Variants in UTP25 observed in about 807,000 individuals in gnomAD.
UTP25 encodes the protein UTP25 small subunit processome component.
In UTP25, 50 loss-of-function variants were observed where a neutral mutation model predicts 78.9. The ratio of observed to expected loss-of-function variants is 0.63; its 90% CI spans 0.50 to 0.80. The LOEUF is 0.80. Ranked by LOEUF, UTP25 falls within the 30% of genes least tolerant of loss-of-function variation. UTP25 has a pLI of 0.00. For synonymous variants in UTP25, 329 were observed against 336.5 expected (o/e 0.98, Z 0.24); for missense variants, 846 against 911.3 (o/e 0.93, Z 0.92).
At chr1:209,834,278 T>C (rs1442594468) in intron 4 of UTP25, among the ~76,000 whole-genome samples, 1 of 152,242 alleles carries the variant, frequency 6.6e-6, no homozygotes, top group South Asian at 2.1e-4. Context: ...ACAAGATGCA[T>C]TTCATTTGAA....
In UTP25 at chr1:209,828,008, A is replaced by C; in HGVS notation, c.-56A>C. On this transcript the variant is annotated 5_prime_UTR_variant, in exon 1 of 12. Transcript: ENST00000491415. ...GCCCACGTGCTTGTGTTGACTGGACAACTTCCTGGTGGAAAACCGCGACTC... is the reference window on the plus strand; with the variant it reads ...GCCCACGTGCTTGTGTTGACTGGACCACTTCCTGGTGGAAAACCGCGACTC... 2 of 1,412,870 alleles carry C rather than the reference A, an allele frequency of 1.4e-6. No individual in the cohort carries two copies. The highest frequency in any genetic ancestry group is 2.0e-6 in the Non-Finnish European group (2 of 996,908). The allele number at this position is 1,412,870 out of a possible 1,614,324, so 87.5% of individuals were successfully genotyped here.
At chr1:209,836,131 T>C (rs2078131780) in intron 5 of UTP25, among the ~76,000 whole-genome samples, 1 of 152,176 alleles carries the variant, frequency 6.6e-6, no homozygotes, top group African/African-American at 2.4e-5. Context: ...AAATGACTCA[T>C]ACAGCATGTA....
intron 11 of UTP25, among the ~76,000 whole-genome samples, chr1:209,846,802 A>T (rs1284356636): frequency 6.6e-6 from 1 of 152,162 alleles, no homozygotes; most frequent in African/African-American, 2.4e-5. Flanking sequence ...CTCAGTCTCT[A>T]TTGTGGTTGC....
At chr1:209,848,181 C>T (rs1458727589) in intron 11 of UTP25, among the ~76,000 whole-genome samples, 1 of 152,144 alleles carries the variant, frequency 6.6e-6, no homozygotes, top group Middle Eastern at 3.2e-3. Flanking sequence ...AAAAAACAAC[C>T]AGCTAGGTGA....
In UTP25 at chr1:209,843,545, C is replaced by A. The variant is rs2078179522; in HGVS notation, c.1876C>A (p.Arg626Ser). The change falls in exon 11 of 12, where the codon CGT becomes AGT. Residue 626 changes from arginine (R) to serine (S), a missense_variant. Coordinates refer to ENST00000491415, the MANE Select transcript of UTP25 (RefSeq NM_014388.7). ...IYIPSYFDFVRLRNYFKKEEL... is the reference protein window; with the variant it reads ...IYIPSYFDFVSLRNYFKKEEL... ...TATCCCCTCCTACTTTGACTTCGTG[C>A]GTCTTCGAAATTACTTCAAGAAGGA... 1 of 1,614,144 alleles carries A rather than the reference C, an allele frequency of 6.2e-7. No individual in the cohort carries two copies. Among genetic ancestry groups the A allele is most frequent in the Non-Finnish European group, 8.5e-7 (1 of 1,180,016 alleles).
intron 3 of UTP25, among the ~76,000 whole-genome samples, chr1:209,831,298 T>A (rs2078102482): frequency 6.6e-6 from 1 of 152,218 alleles, no homozygotes; most frequent in Non-Finnish European, 1.5e-5. Context: ...GACCTCCTAA[T>A]ACAGAGGAAG....
intron 6 of UTP25, among the ~76,000 whole-genome samples, chr1:209,838,608 G>A (rs2078148002): frequency 6.6e-6 from 1 of 152,168 alleles, no homozygotes; most frequent in Non-Finnish European, 1.5e-5. Flanking sequence ...AGTTTTTACT[G>A]GTAGACGTAT....
chr1:209,833,029 G>T (rs2078111832), intron 3 of UTP25, among the ~76,000 whole-genome samples, 156 bp from the exon 4 acceptor site: 1 of 152,126 alleles, frequency 6.6e-6, no homozygotes, highest in African/African-American at 2.4e-5. Context: ...TGATGATTAG[G>T]CTTAATTTTG....
rs1180741908 is a variant in UTP25 at position 209,855,094 on chromosome 1, G to T, written c.*3647G>T. ...AATACACAGATAATCCAAAATTGAT[G>T]TAAGCATTGGAAGGGGAAAGAGGGA... is the stretch of plus-strand genomic sequence containing the variant. On this transcript the variant is annotated 3_prime_UTR_variant, in exon 12 of 12. Coordinates refer to ENST00000491415, the MANE Select transcript of UTP25 (RefSeq NM_014388.7). 2 of 152,180 alleles carry T rather than the reference G, an allele frequency of 1.3e-5. No homozygotes were observed. Among genetic ancestry groups the T allele is most frequent in the East Asian group, 1.9e-4 (1 of 5,192 alleles). The allele number at this position is 152,180 out of a possible 1,614,324, so 9.4% of individuals were successfully genotyped here.
At position 209,852,600 on chromosome 1, in the gene UTP25, T is replaced by C. The variant is rs191387396; in HGVS notation, c.*1153T>C. 1 of 152,332 alleles carries C rather than the reference T, an allele frequency of 6.6e-6. No individual in the cohort carries two copies. Among genetic ancestry groups the C allele is most frequent in the African/African-American group, 2.4e-5 (1 of 41,562 alleles). The allele number at this position is 152,332 out of a possible 1,614,324, so 9.4% of individuals were successfully genotyped here. A position where few individuals can be genotyped will look rare whatever the true frequency, so the allele number is the denominator to read the frequency against. On this transcript the variant is annotated 3_prime_UTR_variant, in exon 12 of 12. Coordinates refer to ENST00000491415, the MANE Select transcript of UTP25 (RefSeq NM_014388.7). ...CCTTCAGGTTAGCCCCTGTGTACTTTTGACATGTCCCCCATCTACTTGGGC... is the reference window on the plus strand; with the variant it reads ...CCTTCAGGTTAGCCCCTGTGTACTTCTGACATGTCCCCCATCTACTTGGGC...
At chr1:209,841,836 C>T (rs879122008) in intron 8 of UTP25, among the ~76,000 whole-genome samples, 6 of 152,120 alleles carry the variant, frequency 3.9e-5, no homozygotes, top group African/African-American at 1.2e-4. Context: ...TTGGCATAGT[C>T]GAGTTATATT....
rs1161555570 is a variant in UTP25, at chr1:209,852,560, T to C, written c.*1113T>C. On this transcript the variant is annotated 3_prime_UTR_variant, in exon 12 of 12. Transcript: ENST00000491415. ...TTAGATGCGTAACTGGTCTCAAATA[T>C]GGCCGCTGGGAGCACCTTCAGGTTA... The C allele has an allele frequency of 1.3e-5, 2 of 152,240 alleles. No individual in the cohort carries two copies. Among genetic ancestry groups the C allele is most frequent in the African/African-American group, 4.8e-5 (2 of 41,452 alleles). 9.4% of individuals were successfully genotyped at this position (152,240 alleles called of 1,614,324 possible).
chr1:209,841,996 C>T (rs570011345), intron 8 of UTP25, among the ~76,000 whole-genome samples: 1 of 152,232 alleles, frequency 6.6e-6, no homozygotes, highest in South Asian at 2.1e-4. Context: ...ACCAGTGTGG[C>T]ATTTCAGAAG....
intron 8 of UTP25, 111 bp from the exon 9 acceptor site, chr1:209,842,154 T>C (rs956284104): frequency 8.8e-7 from 1 of 1,135,288 alleles, no homozygotes; most frequent in Non-Finnish European, 1.3e-6. Flanking sequence ...TTTCTTGTTA[T>C]AATTTAGGAG....
At position 209,830,796 on chromosome 1, in the gene UTP25, C is replaced by T; in HGVS notation, c.148-7C>T. On this transcript the variant is annotated splice_region_variant and splice_polypyrimidine_tract_variant and intron_variant, in intron 2 of 11. Transcript: ENST00000491415. ...TTTTGTTCTTAAAATTCTCCTTTTCCTTTTAGTCAGAGAGTTCAGATTCTT... is the reference window on the plus strand; with the variant it reads ...TTTTGTTCTTAAAATTCTCCTTTTCTTTTTAGTCAGAGAGTTCAGATTCTT... 6.2e-7 allele frequency: 1 copy of T among 1,610,322 alleles called. No homozygotes were observed.
At chr1:209,831,938 AT>A (rs1243015526) in intron 3 of UTP25, among the ~76,000 whole-genome samples, 2 of 151,918 alleles carry the variant, frequency 1.3e-5, no homozygotes, top group Non-Finnish European at 2.9e-5. Context: ...TTGTCTGAAT[AT>A]AGCTGGGTGA....
At chr1:209,850,749 C>CA (rs1285880381) in intron 11 of UTP25, among the ~76,000 whole-genome samples, 1 of 152,110 alleles carries the variant, frequency 6.6e-6, no homozygotes, top group African/African-American at 2.4e-5. Context: ...TCCAGAGTGG[C>CA]AAGAAAAGAC....
rs143329900 is a variant in UTP25 at position 209,851,368 on chromosome 1, C to T, written c.2192C>T (p.Ala731Val). Residue 731 changes from alanine to valine, a missense_variant, in exon 12 of 12, where the codon GCC becomes GTC. Transcript: ENST00000491415. Reference protein sequence around the residue: ...YSKYDAQRLAAVVGVERAAQM... With the variant: ...YSKYDAQRLAVVVGVERAAQM... ...AAATATGATGCCCAGAGGTTAGCTG[C>T]CGTGGTTGGTGTGGAGCGGGCGGCA... 1 of 1,614,028 alleles carries T rather than the reference C, an allele frequency of 6.2e-7. No homozygotes were observed. Among genetic ancestry groups the T allele is most frequent in the Non-Finnish European group, 8.5e-7 (1 of 1,180,042 alleles).
chr1:209,843,388 A>G (rs777650430), intron 10 of UTP25, 63 bp from the exon 11 acceptor site: 11 of 1,585,372 alleles, frequency 6.9e-6, no homozygotes, highest in Non-Finnish European at 7.7e-6. Flanking sequence ...AGGGTCACAC[A>G]GTTAAGAGAC....
Sources: allele counts gnomAD v4.1 joint callset (sites outside exome capture counted in the v4.1 genomes callset), GRCh38; gene constraint gnomAD v4.1.1; transcripts MANE v1.5; gene names NCBI Gene and HGNC (gene_info 2026-07-23, HGNC 2026-07-21).